Variants in CTNNA1 observed in about 807,000 individuals in gnomAD.
CTNNA1 encodes catenin alpha-1.
A neutral mutation model predicts 98.4 loss-of-function variants in CTNNA1; 37 were observed. That is an observed-to-expected ratio of 0.38 (90% CI 0.29 to 0.49). The LOEUF (loss-of-function observed/expected upper bound fraction) is 0.49, where lower values mean the gene tolerates loss of function less well. CTNNA1 is among the 20% of genes least tolerant of loss of function. CTNNA1 has a pLI of 0.95. For missense variants in CTNNA1, 761 were observed against 1,147.2 expected (o/e 0.66, Z 4.86); for synonymous variants, 404 against 413.2 (o/e 0.98, Z 0.27).
intron 5 of CTNNA1, among the ~76,000 whole-genome samples, chr5:138,816,017 C>T (rs1031949251): frequency 1.3e-5 from 2 of 152,158 alleles, no homozygotes; most frequent in Non-Finnish European, 2.9e-5. Context: ...AGAATTTATT[C>T]CTCCTATTTA....
Position 138,924,580 on chromosome 5 carries a change from C to A in CTNNA1, c.1617C>A (p.Asp539Glu), listed in dbSNP as rs1353833789. 6 of 1,614,064 alleles carry A rather than the reference C, an allele frequency of 3.7e-6. No homozygotes were observed. In the African/African-American group the frequency reaches 8.0e-5, roughly 22 times the overall value. ...ALQEKDVDGL[D>E]RTAGAIRGRA... ...AAGAGAAGGATGTGGATGGCCTGGA[C>A]CGCACAGCTGGTGCAATTCGAGGCC... The change falls in exon 12 of 18, where the codon GAC becomes GAA. Residue 539 changes from aspartate to glutamate, a missense_variant. Transcript: ENST00000302763.
chr5:138,770,719 G>A (rs1050454894), intron 1 of CTNNA1, among the ~76,000 whole-genome samples: 18 of 152,262 alleles, frequency 1.2e-4, no homozygotes, highest in East Asian at 7.7e-4. Context: ...TTGGGAGGCC[G>A]AGGCAGGCAG....
intron 1 of CTNNA1, among the ~76,000 whole-genome samples, chr5:138,757,470 GAAA>G (rs1561490953): frequency 6.6e-6 from 1 of 152,098 alleles, no homozygotes; most frequent in African/African-American, 2.4e-5. Flanking sequence ...CCCTGACTCA[GAAA>G]AAAAGAAAAT....
At chr5:138,763,533 A>G (rs1050141890) in intron 1 of CTNNA1, among the ~76,000 whole-genome samples, 14 of 152,282 alleles carry the variant, frequency 9.2e-5, no homozygotes, top group African/African-American at 3.4e-4. Context: ...TAGTAGAGAC[A>G]GGTCTCACCA....
chr5:138,795,485 A>G (rs766090954), intron 3 of CTNNA1, among the ~76,000 whole-genome samples: 1 of 152,036 alleles, frequency 6.6e-6, no homozygotes, highest in Non-Finnish European at 1.5e-5. Context: ...GAAAAAAGCT[A>G]TCACTTGTTG....
chr5:138,848,113 T>G (rs1762887898), intron 7 of CTNNA1, among the ~76,000 whole-genome samples: 1 of 152,198 alleles, frequency 6.6e-6, no homozygotes, highest in Non-Finnish European at 1.5e-5. Flanking sequence ...TATATGCTGT[T>G]GGCATAAAGA....
In CTNNA1 at chr5:138,873,268, C is replaced by T. The variant is rs747557733; in HGVS notation, c.1063-12944C>T. On this transcript the variant is annotated intron_variant, in intron 7 of 17. Transcript: ENST00000302763. This position sits in a 1 kb window ranked among gnomAD's most constrained non-coding sequence, Gnocchi z 6.1. The stretch of plus-strand genomic sequence containing the variant: ...TAAAAATAATAAAAAAGAAAGAAAA[C>T]AATAAAGCCATTGTTCCCGTAATTA... 1 of 1,613,880 alleles carries T rather than the reference C, an allele frequency of 6.2e-7. No individual in the cohort carries two copies. The highest frequency in any genetic ancestry group is 8.5e-7 in the Non-Finnish European group (1 of 1,179,804).
intron 13 of CTNNA1, among the ~76,000 whole-genome samples, chr5:138,928,351 G>A (rs937305656): frequency 6.6e-6 from 1 of 152,122 alleles, no homozygotes; most frequent in African/African-American, 2.4e-5. Flanking sequence ...TCAGTCCCTT[G>A]GGTATTTACT....
intron 9 of CTNNA1, among the ~76,000 whole-genome samples, chr5:138,903,207 T>G (rs1231134278): frequency 6.6e-6 from 1 of 152,164 alleles, no homozygotes; most frequent in Non-Finnish European, 1.5e-5. Flanking sequence ...AGGATTCTGA[T>G]AGTTAGCAGT....
intron 1 of CTNNA1, among the ~76,000 whole-genome samples, chr5:138,773,472 G>A (rs1753764143): frequency 6.6e-6 from 1 of 152,162 alleles, no homozygotes; most frequent in Non-Finnish European, 1.5e-5. Flanking sequence ...ACTAGAACAG[G>A]GCAAGAAGTA....
rs1379426279 is a variant in CTNNA1 at position 138,930,936 on chromosome 5, G to GT, written c.2298+2dup. ...GCTTGGCCGCACCATTGCAGACCAT[G>GT]TAAGTGACAGACTTGCCAGGTGGGT... On this transcript the variant is annotated splice_donor_variant, in intron 16 of 17. Coordinates refer to ENST00000302763, the MANE Select transcript of CTNNA1 (RefSeq NM_001903.5). LOFTEE classifies it high-confidence loss of function. 1 of 1,607,360 alleles carries GT rather than the reference G, an allele frequency of 6.2e-7. No individual in the cohort carries two copies. The highest frequency in any genetic ancestry group is 8.5e-7 in the Non-Finnish European group (1 of 1,173,816).
chr5:138,888,543 T>G lies in CTNNA1; in HGVS notation c.1296+901T>G, dbSNP rs1581492145. ...TATAGTGATATTAGGCCACGTTTTG[T>G]TTTGTTTTTATTTGTTTGTTTTGAA... On this transcript the variant is annotated intron_variant, in intron 9 of 17. Transcript: ENST00000302763. 2.6e-5 allele frequency among the ~76,000 whole-genome samples: 4 copies of G among 152,196 alleles called. No individual in the cohort carries two copies. The South Asian group carries it at 8.3e-4, about 32-fold the overall frequency.
intron 7 of CTNNA1, among the ~76,000 whole-genome samples, chr5:138,844,677 T>G (rs868373889): frequency 1.3e-5 from 2 of 152,202 alleles, no homozygotes; most frequent in South Asian, 4.1e-4. Flanking sequence ...AAGTAAGAAT[T>G]GAGAAGATCT....
chr5:138,932,181 C>T, intron 16 of CTNNA1: 2 of 1,011,446 alleles, frequency 2.0e-6, no homozygotes, highest in Non-Finnish European at 2.4e-6. Flanking sequence ...GGACTTTTCT[C>T]CATAGCCAGG....
rs1760785924 is a variant in CTNNA1, at chr5:138,912,196, C to T, written c.1390-5546C>T. 3.3e-5 allele frequency among the ~76,000 whole-genome samples: 5 copies of T among 152,040 alleles called. 1 individual carries two copies. The highest frequency in any genetic ancestry group is 2.0e-4 in the Admixed American group (3 of 15,262). On this transcript the variant is annotated intron_variant, in intron 10 of 17. Transcript: ENST00000302763. ...GGTGAGCAGTGGCCAGCACAGGAGC[C>T]TGAGGAAGCACTGTCAGGACCAGAG...
At chr5:138,826,928 G>A (rs1760779861) in intron 6 of CTNNA1, among the ~76,000 whole-genome samples, 1 of 152,168 alleles carries the variant, frequency 6.6e-6, no homozygotes, top group Admixed American at 6.5e-5. Context: ...GGGACTATAG[G>A]CGTGTGCCAC....
intron 7 of CTNNA1, among the ~76,000 whole-genome samples, chr5:138,865,990 G>A (rs1036090565): frequency 2.0e-5 from 3 of 152,120 alleles, no homozygotes; most frequent in South Asian, 2.1e-4. Flanking sequence ...TGGCCCTCAC[G>A]ATGATGAAAT....
At chr5:138,780,082 C>A (rs1306525508) in intron 1 of CTNNA1, among the ~76,000 whole-genome samples, 1 of 152,136 alleles carries the variant, frequency 6.6e-6, no homozygotes, top group African/African-American at 2.4e-5. Flanking sequence ...TTGTGAACAT[C>A]ATTGTATCCC....
chr5:138,861,501 A>G (rs953938263), intron 7 of CTNNA1, among the ~76,000 whole-genome samples: 8 of 152,170 alleles, frequency 5.3e-5, no homozygotes. Flanking sequence ...ACTGGAATGA[A>G]AGATTACTGC....
Sources: gnomAD v4.1 joint callset for allele counts (sites outside exome capture counted in the v4.1 genomes callset) on GRCh38, gnomAD v4.1.1 for gene constraint, Gnocchi (gnomAD v3.1) non-coding constraint, MANE v1.5 for transcripts, NCBI Gene and HGNC (gene_info 2026-07-23, HGNC 2026-07-21) for gene names.